Variants in CDA observed in about 807,000 individuals in gnomAD.
The protein encoded by CDA is cytidine deaminase.
In CDA, 7 loss-of-function variants were observed where a neutral mutation model predicts 15.0. The observed-to-expected ratio is 0.47, with a 90% CI of 0.26 to 0.87. CDA has a LOEUF of 0.87. Among genes scored for constraint, CDA ranks in the 40% least tolerant of loss-of-function variants. The probability of loss-of-function intolerance (pLI) is 0.15; values close to 1 mark genes in which losing one functional copy is unlikely to be tolerated. For synonymous variants in CDA, 58 were observed against 73.0 expected, an observed-to-expected ratio of 0.79 and a Z score of 1.05; for missense variants, 159 against 182.7, an observed-to-expected ratio of 0.87 and a Z score of 0.75.
In CDA at chr1:20,617,697, AT is replaced by A. The variant is rs147364706; in HGVS notation, c.325-740del. ...TAAACCTCCTTTTTTATTTTATTTTATTTTTTTTTTTTTTTGAGACCGAGTC... is the reference window on the plus strand; with the variant it reads ...TAAACCTCCTTTTTTATTTTATTTTATTTTTTTTTTTTTTGAGACCGAGTC... On this transcript the variant is annotated intron_variant, in intron 3 of 3. Coordinates refer to ENST00000375071, the MANE Select transcript of CDA (RefSeq NM_001785.3). 1.4e-3 allele frequency among the ~76,000 whole-genome samples: 196 copies of A among 144,054 alleles called. 1 individual carries two copies. In the South Asian group the frequency reaches 0.02, roughly 15 times the overall value. The allele number at this position is 144,054 out of a possible 152,430, so 94.5% of individuals were successfully genotyped here. A position where few individuals can be genotyped will look rare whatever the true frequency, so the allele number is the denominator to read the frequency against.
rs1411245495 is a variant in CDA, at chr1:20,589,127, A to T, written c.-3A>T. The T allele has an allele frequency of 6.2e-7, 1 of 1,614,080 alleles. No homozygotes were observed. The highest frequency in any genetic ancestry group is 8.5e-7 in the Non-Finnish European group (1 of 1,180,010). ...TGCTCTGCTGCCTGCCCGGGGTACC[A>T]ACATGGCCCAGAAGCGTCCTGCCTG... On this transcript the variant is annotated 5_prime_UTR_variant, in exon 1 of 4. Transcript: ENST00000375071.
chr1:20,608,505 G>A (rs778009222), intron 2 of CDA, among the ~76,000 whole-genome samples: 2 of 151,896 alleles, frequency 1.3e-5, no homozygotes, highest in Non-Finnish European at 2.9e-5. Context: ...CGCCTCCCAG[G>A]TTCAAGCGAT....
rs2072671 is a variant in CDA, at chr1:20,589,208, A to C, written c.79A>C (p.Lys27Gln). The C allele has an allele frequency of 0.31, 504,693 of 1,613,834 alleles. 83,703 individuals are homozygous for C. Among genetic ancestry groups the C allele is most frequent in the Middle Eastern group, 0.38 (2,279 of 6,060 alleles). ...QLLVCSQEAK[K>Q]SAYCPYSHFP... is the part of the protein sequence containing the mutation. ...GCTGGTTTGCTCCCAGGAGGCCAAG[A>C]AGTCAGCCTACTGCCCCTACAGTCA... Residue 27 changes from lysine (K) to glutamine (Q), a missense_variant, in exon 1 of 4, where the codon AAG becomes CAG. Transcript: ENST00000375071.
At chr1:20,599,878 A>C (rs571525661) in intron 1 of CDA, among the ~76,000 whole-genome samples, 39 of 152,278 alleles carry the variant, frequency 2.6e-4, no homozygotes, top group African/African-American at 8.9e-4. Context: ...ATTTATTCTC[A>C]CAACAGGACT....
intron 1 of CDA, among the ~76,000 whole-genome samples, chr1:20,593,952 T>A (rs765871104): frequency 1.3e-5 from 2 of 152,200 alleles, no homozygotes; most frequent in Non-Finnish European, 2.9e-5. Context: ...AAGTTGGGGC[T>A]TGGAGCAGGG....
Position 20,589,520 on chromosome 1 carries a change from A to G in CDA, c.154+237A>G, listed in dbSNP as rs998886865. On this transcript the variant is annotated intron_variant, in intron 1 of 3. Coordinates refer to ENST00000375071, the MANE Select transcript of CDA (RefSeq NM_001785.3). ...GGACTGGGATGAGGAAGGAAGTTGG[A>G]TGGGAGGCAGGAAGGGGAGGCCATA... 5.3e-5 allele frequency among the ~76,000 whole-genome samples: 8 copies of G among 152,144 alleles called. 1 individual carries two copies. Among genetic ancestry groups the G allele is most frequent in the African/African-American group, 1.9e-4 (8 of 41,440 alleles).
At position 20,609,480 on chromosome 1, in the gene CDA, C is replaced by T. The variant is rs569013824; in HGVS notation, c.267-4362C>T. ...CAGCCTGGGCGACAGAGCGAGACTC[C>T]GTCTCAAAAAAAAAAAGATTCAGAA... On this transcript the variant is annotated intron_variant, in intron 2 of 3. Coordinates refer to ENST00000375071, the MANE Select transcript of CDA (RefSeq NM_001785.3). 8.6e-5 allele frequency among the ~76,000 whole-genome samples: 13 copies of T among 151,782 alleles called. No homozygotes were observed. In the South Asian group the frequency reaches 1.5e-3, roughly 17 times the overall value.
chr1:20,618,492 G>A lies in CDA; in HGVS notation c.365G>A (p.Gly122Asp). Residue 122 changes from glycine (G) to aspartate (D), a missense_variant, in exon 4 of 4, where the codon GGT (glycine) becomes GAT (aspartate). Physicochemically the swap from Gly to Asp is moderately conservative, Grantham distance 94. Coordinates refer to ENST00000375071, the MANE Select transcript of CDA (RefSeq NM_001785.3). ...NWPVYMTKPDGTYIVMTVQEL... is the reference protein window; with the variant it reads ...NWPVYMTKPDDTYIVMTVQEL... ...CCCGTGTACATGACCAAGCCGGATG[G>A]TACGTATATTGTCATGACGGTCCAG... 6.2e-7 allele frequency: 1 copy of A among 1,613,658 alleles called. No individual in the cohort carries two copies.
chr1:20,612,173 A>G (rs1011730720), intron 2 of CDA, among the ~76,000 whole-genome samples: 3 of 152,044 alleles, frequency 2.0e-5, no homozygotes, highest in African/African-American at 7.2e-5. Flanking sequence ...TGCACATACT[A>G]TTTATTTCCT....
intron 1 of CDA, 46 bp from the exon 2 acceptor site, chr1:20,604,882 G>C (rs768579704): frequency 1.6e-6 from 2 of 1,252,904 alleles, no homozygotes; most frequent in African/African-American, 2.9e-5. Context: ...CACGCAACAG[G>C]AAGTGTCTCT....
chr1:20,617,557 G>A (rs1267766883), intron 3 of CDA, among the ~76,000 whole-genome samples: 1 of 152,072 alleles, frequency 6.6e-6, no homozygotes, highest in South Asian at 2.1e-4. Flanking sequence ...ATAAATGGGG[G>A]TTCCCTCACA....
At chr1:20,611,154 C>A (rs907283914) in intron 2 of CDA, among the ~76,000 whole-genome samples, 1 of 152,112 alleles carries the variant, frequency 6.6e-6, no homozygotes, top group Non-Finnish European at 1.5e-5. Context: ...GTAGGAGGAG[C>A]CTTTGAGGCC....
chr1:20,612,038 A>C (rs1435089235), intron 2 of CDA, among the ~76,000 whole-genome samples: 2 of 151,020 alleles, frequency 1.3e-5, no homozygotes, highest in Non-Finnish European at 3.0e-5. Flanking sequence ...AATTTTTTGT[A>C]TTTTAGTAGA....
intron 3 of CDA, 33 bp from the exon 4 acceptor site, chr1:20,618,417 CTG>C: frequency 3.9e-6 from 5 of 1,293,976 alleles, no homozygotes; most frequent in Non-Finnish European, 5.6e-6. Flanking sequence ...CTCAGCCACG[CTG>C]TGTCTCTCAC....
intron 1 of CDA, among the ~76,000 whole-genome samples, chr1:20,592,027 A>G (rs542043869): frequency 6.6e-6 from 1 of 152,010 alleles, no homozygotes; most frequent in Non-Finnish European, 1.5e-5. Context: ...CTTTTAGTAG[A>G]GACAGGGTTT....
intron 2 of CDA, among the ~76,000 whole-genome samples, chr1:20,613,565 G>C (rs573691120): frequency 6.6e-6 from 1 of 152,302 alleles, no homozygotes; most frequent in South Asian, 2.1e-4. Context: ...AATTCTCTTT[G>C]ACCTTTGTAT....
At chr1:20,617,837 A>G (rs2052829896) in intron 3 of CDA, among the ~76,000 whole-genome samples, 1 of 151,250 alleles carries the variant, frequency 6.6e-6, no homozygotes, top group Non-Finnish European at 1.5e-5. Context: ...CTGGGATTAC[A>G]TGTGCTTGCC....
At chr1:20,615,755 C>A (rs1255191876) in intron 3 of CDA, among the ~76,000 whole-genome samples, 1 of 151,178 alleles carries the variant, frequency 6.6e-6, no homozygotes, top group Non-Finnish European at 1.5e-5. Context: ...AAGCCCTGCA[C>A]TTTGGGAGAC....
intron 1 of CDA, among the ~76,000 whole-genome samples, chr1:20,603,142 C>T (rs1459046387): frequency 1.3e-5 from 2 of 152,244 alleles, no homozygotes; most frequent in Non-Finnish European, 2.9e-5. Flanking sequence ...GTGTTTTCTC[C>T]TTTGCGTTGC....
Sources: gnomAD v4.1 joint callset for allele counts (sites outside exome capture counted in the v4.1 genomes callset) on GRCh38, gnomAD v4.1.1 for gene constraint, MANE v1.5 for transcripts, NCBI Gene and HGNC (gene_info 2026-07-23, HGNC 2026-07-21) for gene names.